The following TTC13 variants were observed in gnomAD, a reference collection of about 807,000 sequenced individuals.
The protein encoded by TTC13 is tetratricopeptide repeat protein 13.
A neutral mutation model predicts 120.0 loss-of-function variants in TTC13; 62 were observed. The observed-to-expected ratio is 0.52, with a 90% CI of 0.42 to 0.64. TTC13 has a LOEUF of 0.64. Ranked by LOEUF, TTC13 falls within the 30% of genes least tolerant of loss-of-function variation. TTC13 has a pLI of 0.00. For synonymous variants in TTC13, 384 were observed against 393.5 expected (o/e 0.98, Z 0.28); for missense variants, 824 against 1,050.2 (o/e 0.78, Z 2.98).
chr1:230,923,011 A>C (rs1406935432), intron 15 of TTC13, among the ~76,000 whole-genome samples: 1 of 152,224 alleles, frequency 6.6e-6, no homozygotes, highest in Non-Finnish European at 1.5e-5. Context: ...TGTTTTCTAG[A>C]AATTAAAAAA....
chr1:230,954,248 G>T, intron 4 of TTC13, 85 bp downstream of exon 4: 1 of 908,296 alleles, frequency 1.1e-6, no homozygotes, highest in Non-Finnish European at 1.7e-6. Flanking sequence ...AAAACATGTC[G>T]TATTACAGCA....
At chr1:230,970,045 C>T (rs1410942922) in intron 1 of TTC13, among the ~76,000 whole-genome samples, 4 of 152,200 alleles carry the variant, frequency 2.6e-5, no homozygotes, top group Non-Finnish European at 5.9e-5. Flanking sequence ...GGGAAATAAA[C>T]TCAATGTTAA....
Position 230,965,158 on chromosome 1 carries a change from G to C in TTC13, c.272-3855C>G, listed in dbSNP as rs146834663. On this transcript the variant is annotated intron_variant, in intron 1 of 22. Coordinates refer to ENST00000366661, the MANE Select transcript of TTC13 (RefSeq NM_024525.5). ...TGTCAAGTTGAAAAGCTTCCCCACA[G>C]CAAAAGATACAAGCAACAAAGTGAA... Among the ~76,000 whole-genome samples the C allele has an allele frequency of 4.1e-3, 617 of 152,210 alleles. 4 individuals are homozygous for C. The highest frequency in any genetic ancestry group is 0.014 in the African/African-American group (591 of 41,524).
At chr1:230,912,488 A>C in intron 19 of TTC13, 135 bp downstream of exon 19, 10 of 1,010,434 alleles carry the variant, frequency 9.9e-6, no homozygotes, top group Non-Finnish European at 1.4e-5. Context: ...CCTATAAGAA[A>C]TAAGAAATAT....
chr1:230,927,096 T>A (rs1469359184), intron 12 of TTC13, among the ~76,000 whole-genome samples: 1 of 152,224 alleles, frequency 6.6e-6, no homozygotes, highest in Admixed American at 6.5e-5. Context: ...CTGTATAATA[T>A]CCCATTGTGT....
At position 230,921,556 on chromosome 1, in the gene TTC13, C is replaced by A. The variant is rs763777364; in HGVS notation, c.1815-52G>T. 3.5e-5 allele frequency: 31 copies of A among 894,996 alleles called. No individual in the cohort carries two copies. In the Admixed American group the frequency reaches 5.2e-4, roughly 15 times the overall value. The allele number at this position is 894,996 out of a possible 1,614,324, so 55.4% of individuals were successfully genotyped here. On this transcript the variant is annotated intron_variant, in intron 15 of 22. Transcript: ENST00000366661. ...GAATATTTTTATAGAAGAATATGCT[C>A]AAGCCAACATCTAATTTCAAAGTTA... is the stretch of plus-strand genomic sequence containing the variant.
rs1031512456 is a variant in TTC13 at position 230,915,380 on chromosome 1, C to G, written c.2093+813G>C. 9.9e-5 allele frequency among the ~76,000 whole-genome samples: 15 copies of G among 151,638 alleles called. No homozygotes were observed. In the South Asian group the frequency reaches 1.0e-3, roughly 11 times the overall value. On this transcript the variant is annotated intron_variant, in intron 18 of 22. Transcript: ENST00000366661. Reference sequence around the variant, plus strand: ...TATGTGTGTGTGTGTGTGTGCACAGCTCAAGGCAATTCCACCCACAATTCA... The same window carrying G: ...TATGTGTGTGTGTGTGTGTGCACAGGTCAAGGCAATTCCACCCACAATTCA...
intron 6 of TTC13, among the ~76,000 whole-genome samples, chr1:230,941,249 TTAAGC>T (rs1674512154): frequency 6.6e-6 from 1 of 152,180 alleles, no homozygotes; most frequent in Non-Finnish European, 1.5e-5. Context: ...GTTCATGCAA[TTAAGC>T]CCAAGCACTT....
intron 1 of TTC13, among the ~76,000 whole-genome samples, chr1:230,976,538 C>T (rs1025008670): frequency 1.3e-5 from 2 of 152,196 alleles, no homozygotes; most frequent in African/African-American, 2.4e-5. Context: ...CTGGAAATGA[C>T]TTCTTGGGTG....
chr1:230,937,088 T>A (rs185088404), intron 8 of TTC13, among the ~76,000 whole-genome samples: 2 of 152,318 alleles, frequency 1.3e-5, no homozygotes, highest in East Asian at 3.9e-4. Context: ...GTAGGACTAG[T>A]TTGCTGAGGG....
In TTC13 at chr1:230,978,759, C is replaced by G; in HGVS notation, c.72G>C (p.Arg24=). The G allele has an allele frequency of 6.7e-7, 1 of 1,499,848 alleles. No homozygotes were observed. Among genetic ancestry groups the G allele is most frequent in the Non-Finnish European group, 8.8e-7 (1 of 1,134,082 alleles). The allele number at this position is 1,499,848 out of a possible 1,614,324, so 92.9% of individuals were successfully genotyped here. A position where few individuals can be genotyped will look rare whatever the true frequency, so the allele number is the denominator to read the frequency against. ...GGAVAAAGAA[R]RVLLLLLLGV... The stretch of plus-strand genomic sequence containing the variant: ...CCAGCAGCAGCAGCAGCAGGACACG[C>G]CGGGCGGCGCCCGCGGCGGCCACAG... The change falls in exon 1 of 23, where the codon CGG becomes CGC. Residue 24 remains arginine (R), a synonymous_variant. Transcript: ENST00000366661. This position sits in a 1 kb window ranked among gnomAD's most constrained non-coding sequence, Gnocchi z 5.6.
At chr1:230,929,175 G>T in intron 11 of TTC13, 82 bp from the exon 12 acceptor site, 3 of 1,360,072 alleles carry the variant, frequency 2.2e-6, no homozygotes, top group Non-Finnish European at 3.0e-6. Context: ...CAAATACTTT[G>T]TAACAAGCTG....
chr1:230,968,300 T>TGATGTGAAACA (rs58049634), intron 1 of TTC13, among the ~76,000 whole-genome samples: 105,905 of 151,162 alleles, frequency 0.7, 37,522 homozygotes, highest in African/African-American at 0.82. Flanking sequence ...ATATGCACAC[T>TGATGTGAAACA]GACCTCCAGA....
intron 1 of TTC13, among the ~76,000 whole-genome samples, chr1:230,968,184 TG>T (rs10587077): frequency 0.13 from 17,141 of 130,912 alleles, 1,370 homozygotes; most frequent in Non-Finnish European, 0.17. Context: ...CCTATGGTGG[TG>T]GGGGGGGGGC....
Position 230,933,829 on chromosome 1 carries a change from C to T in TTC13, c.933G>A (p.Lys311=). Residue 311 remains lysine (K), a synonymous_variant, in exon 9 of 23, where the codon AAG becomes AAA. Coordinates refer to ENST00000366661, the MANE Select transcript of TTC13 (RefSeq NM_024525.5). The part of the protein sequence containing the change: ...EAIESFKEAL[K]QKVDFIDAYK... ...ATGCATCAATAAAGTCAACTTTCTG[C>T]TTCAAAGCTTCTTTGAAGGATTCAA... 3 of 1,608,708 alleles carry T rather than the reference C, an allele frequency of 1.9e-6. No homozygotes were observed. Among genetic ancestry groups the T allele is most frequent in the Non-Finnish European group, 2.5e-6 (3 of 1,178,264 alleles).
At chr1:230,949,702 G>A (rs1675362367) in intron 4 of TTC13, among the ~76,000 whole-genome samples, 1 of 151,982 alleles carries the variant, frequency 6.6e-6, no homozygotes, top group East Asian at 1.9e-4. Context: ...CTGGACTGCA[G>A]TGGCGCGATC....
At chr1:230,912,535 G>T in intron 19 of TTC13, 88 bp downstream of exon 19, 1 of 1,424,142 alleles carries the variant, frequency 7.0e-7, no homozygotes. Flanking sequence ...AGCATAAGAT[G>T]TACAATCTCA....
chr1:230,927,915 C>A (rs922168539), intron 12 of TTC13, among the ~76,000 whole-genome samples: 1 of 152,060 alleles, frequency 6.6e-6, no homozygotes, highest in African/African-American at 2.4e-5. Context: ...TTAATTGGCC[C>A]ACTCCCACAT....
rs1461331771 is a variant in TTC13, at chr1:230,942,434, C to G, written c.672+1372G>C. ...ATTGAGAAAGATTTTATTCAAAAAG[C>G]CAAATCCCCAACAAAACAAAAATTC... On this transcript the variant is annotated intron_variant, in intron 6 of 22. Coordinates refer to ENST00000366661, the MANE Select transcript of TTC13 (RefSeq NM_024525.5). This position sits in a 1 kb window ranked among gnomAD's most constrained non-coding sequence, Gnocchi z 4.0. Among the ~76,000 whole-genome samples the G allele has an allele frequency of 6.6e-6, 1 of 152,066 alleles. No homozygotes were observed. The highest frequency in any genetic ancestry group is 1.5e-5 in the Non-Finnish European group (1 of 67,998).
Sources: gnomAD v4.1 joint callset for allele counts (sites outside exome capture counted in the v4.1 genomes callset) on GRCh38, gnomAD v4.1.1 for gene constraint, Gnocchi (gnomAD v3.1) non-coding constraint, MANE v1.5 for transcripts, NCBI Gene and HGNC (gene_info 2026-07-23, HGNC 2026-07-21) for gene names.